The following ZBTB20 variants were observed in gnomAD, a reference collection of about 807,000 sequenced individuals.
The protein encoded by ZBTB20 is zinc finger and BTB domain-containing protein 20.
Under a neutral mutation model 56.9 loss-of-function variants are expected in ZBTB20, and 9 were observed. The observed-to-expected ratio is 0.16, with a 90% CI of 0.10 to 0.28. ZBTB20 has a LOEUF of 0.28. Among genes scored for constraint, ZBTB20 ranks in the 10% least tolerant of loss-of-function variants. The pLI, the probability that ZBTB20 is intolerant of heterozygous loss-of-function variation, is 1.00. For missense variants in ZBTB20, 655 were observed against 1,003.0 expected, an observed-to-expected ratio of 0.65 and a Z score of 4.69; for synonymous variants, 417 against 420.7, an observed-to-expected ratio of 0.99 and a Z score of 0.11.
intron 6 of ZBTB20, among the ~76,000 whole-genome samples, chr3:114,676,797 A>G (rs549051492): frequency 5.5e-4 from 63 of 114,618 alleles, no homozygotes; most frequent in African/African-American, 2.0e-3. Context: ...TTTTTTGGAG[A>G]TGGAGTGTCA....
chr3:114,642,384 T>A (rs115522393), intron 6 of ZBTB20, among the ~76,000 whole-genome samples: 1 of 152,186 alleles, frequency 6.6e-6, no homozygotes, highest in Non-Finnish European at 1.5e-5. Flanking sequence ...ACTTTGATGT[T>A]CTAGAATATG....
At chr3:114,359,678 G>A (rs910476349) in intron 10 of ZBTB20, among the ~76,000 whole-genome samples, 5 of 152,098 alleles carry the variant, frequency 3.3e-5, no homozygotes, top group East Asian at 1.9e-4. Context: ...TGCTACATCC[G>A]TGGGTGGTAT....
rs375854213 is a variant in ZBTB20, at chr3:114,640,164, T to A, written c.-295+53364A>T. On this transcript the variant is annotated intron_variant, in intron 6 of 11. Coordinates refer to ENST00000675478, the MANE Select transcript of ZBTB20 (RefSeq NM_001348800.3). Reference sequence around the variant, plus strand: ...CACTTAGACCTCTATGAAGGTTGACTCAGGTTTACTGGGGGATATTGCATA... The same window carrying A: ...CACTTAGACCTCTATGAAGGTTGACACAGGTTTACTGGGGGATATTGCATA... Among the ~76,000 whole-genome samples the A allele has an allele frequency of 6.6e-5, 10 of 152,188 alleles. No homozygotes were observed. The East Asian group carries it at 1.9e-3, about 29-fold the overall frequency.
chr3:114,852,670 TC>T (rs1305473759), intron 4 of ZBTB20, among the ~76,000 whole-genome samples: 1 of 152,200 alleles, frequency 6.6e-6, no homozygotes, highest in Non-Finnish European at 1.5e-5. Flanking sequence ...TATGTTTTGA[TC>T]TGGTTTCTTT....
At chr3:114,402,076 A>C (rs2086870469) in intron 7 of ZBTB20, among the ~76,000 whole-genome samples, 2 of 152,180 alleles carry the variant, frequency 1.3e-5, no homozygotes. Context: ...CCTGCCAGTC[A>C]TTTGGTCTAG....
At chr3:114,755,249 T>C (rs1188413026) in intron 5 of ZBTB20, among the ~76,000 whole-genome samples, 3 of 152,174 alleles carry the variant, frequency 2.0e-5, no homozygotes, top group African/African-American at 4.8e-5. Context: ...GACTAGCCTA[T>C]TAAATGTGAC....
chr3:115,084,944 GACTT>G (rs1223227607), intron 1 of ZBTB20, among the ~76,000 whole-genome samples: 3 of 151,956 alleles, frequency 2.0e-5, no homozygotes, highest in Non-Finnish European at 2.9e-5. Flanking sequence ...AATAAGCTGA[GACTT>G]ACTTAACGCT....
intron 6 of ZBTB20, among the ~76,000 whole-genome samples, chr3:114,675,730 G>A (rs2061589508): frequency 1.3e-5 from 2 of 152,064 alleles, no homozygotes; most frequent in African/African-American, 2.4e-5. Context: ...TGGGCTGAAA[G>A]TAGAAAAACT....
At chr3:115,146,376 C>T (rs1204225640) in intron 1 of ZBTB20, among the ~76,000 whole-genome samples, 1 of 135,756 alleles carries the variant, frequency 7.4e-6, no homozygotes, top group African/African-American at 2.8e-5. Flanking sequence ...CAGCTGGGGG[C>T]GGGGGGTGGG....
At chr3:114,733,806 T>C (rs1163287565) in intron 5 of ZBTB20, among the ~76,000 whole-genome samples, 1 of 152,178 alleles carries the variant, frequency 6.6e-6, no homozygotes, top group African/African-American at 2.4e-5. Context: ...GGACTGAGAC[T>C]GATATTTGGA....
At chr3:114,579,357 CAG>C (rs1361604219) in intron 6 of ZBTB20, among the ~76,000 whole-genome samples, 3 of 151,282 alleles carry the variant, frequency 2.0e-5, no homozygotes, top group African/African-American at 7.3e-5. Context: ...AAAAATAAAA[CAG>C]ATATTATGAA....
intron 1 of ZBTB20, chr3:115,100,163 T>G (rs2083538315): frequency 6.6e-6 from 1 of 151,664 alleles, no homozygotes; most frequent in Non-Finnish European, 1.5e-5. Context: ...TTAAGAAAGT[T>G]GTCTGCCCTA....
At chr3:114,450,930 G>C (rs1400184509) in intron 7 of ZBTB20, among the ~76,000 whole-genome samples, 3 of 152,058 alleles carry the variant, frequency 2.0e-5, no homozygotes. Flanking sequence ...GGTTTTTAAA[G>C]TATGAATTGC....
At chr3:114,874,727 A>C (rs1332434457) in intron 4 of ZBTB20, among the ~76,000 whole-genome samples, 1 of 152,016 alleles carries the variant, frequency 6.6e-6, no homozygotes, top group East Asian at 1.9e-4. Flanking sequence ...TTAATTTTTC[A>C]GTTCTCTTTA....
intron 4 of ZBTB20, among the ~76,000 whole-genome samples, chr3:114,863,421 GAAT>G (rs1466302266): frequency 6.6e-6 from 1 of 151,976 alleles, no homozygotes; most frequent in Non-Finnish European, 1.5e-5. Flanking sequence ...ATAAGTTCAA[GAAT>G]AATGCCACTA....
rs376407686 is a variant in ZBTB20, at chr3:115,066,570, A to G, written c.-507+4649T>C. On this transcript the variant is annotated intron_variant, in intron 2 of 11. Coordinates refer to ENST00000675478, the MANE Select transcript of ZBTB20 (RefSeq NM_001348800.3). ...CTTCATACCCCTTCTTCCACACTCA[A>G]TTGCTGAAGTGCTTTTTCTCAATAG... Among the ~76,000 whole-genome samples, 16 of 152,052 alleles carry G rather than the reference A, an allele frequency of 1.1e-4. No homozygotes were observed. In the East Asian group the frequency reaches 2.1e-3, roughly 20 times the overall value.
intron 7 of ZBTB20, among the ~76,000 whole-genome samples, chr3:114,485,330 C>G (rs930277875): frequency 2.0e-5 from 3 of 152,124 alleles, no homozygotes; most frequent in African/African-American, 7.2e-5. Flanking sequence ...TAAAGCCTAA[C>G]TCATTTTAGG....
Position 114,825,676 on chromosome 3 carries a change from G to A in ZBTB20, c.-416-24502C>T, listed in dbSNP as rs1003278883. On this transcript the variant is annotated intron_variant, in intron 4 of 11. Coordinates refer to ENST00000675478, the MANE Select transcript of ZBTB20 (RefSeq NM_001348800.3). ...GTGTACCGTACTACTGAATAGATAG[G>A]TTTAAAATACTGTGTACTGTCTATT... Among the ~76,000 whole-genome samples, 9 of 151,852 alleles carry A rather than the reference G, an allele frequency of 5.9e-5. No homozygotes were observed. In the South Asian group the frequency reaches 6.2e-4, roughly 10 times the overall value.
chr3:114,348,594 A>C (rs1044295675), intron 11 of ZBTB20, among the ~76,000 whole-genome samples: 6 of 152,196 alleles, frequency 3.9e-5, no homozygotes, highest in African/African-American at 1.4e-4. Flanking sequence ...GATCTTTAAA[A>C]ACTGATTCTC....
Sources: gnomAD v4.1 joint callset for allele counts (sites outside exome capture counted in the v4.1 genomes callset) on GRCh38, gnomAD v4.1.1 for gene constraint, MANE v1.5 for transcripts, NCBI Gene and HGNC (gene_info 2026-07-23, HGNC 2026-07-21) for gene names.